The following MYO5C variants were observed in gnomAD, a reference collection of about 807,000 sequenced individuals.
MYO5C encodes the protein myosin VC, also known as unconventional myosin-Vc.
Under a neutral mutation model 235.7 loss-of-function variants are expected in MYO5C, and 194 were observed. That is an observed-to-expected ratio of 0.82 (90% confidence interval 0.73 to 0.93). MYO5C has a LOEUF of 0.93. Among genes scored for constraint, MYO5C ranks in the 40% least tolerant of loss-of-function variants. The pLI is 0.00. For synonymous variants in MYO5C, 707 were observed against 754.8 expected, an observed-to-expected ratio of 0.94 and a Z score of 1.04; for missense variants, 2,038 against 2,127.2, an observed-to-expected ratio of 0.96 and a Z score of 0.82.
intron 10 of MYO5C, among the ~76,000 whole-genome samples, chr15:52,258,866 T>A (rs2036634272): frequency 6.6e-6 from 1 of 152,162 alleles, no homozygotes; most frequent in South Asian, 2.1e-4. Context: ...AAATTCAAAT[T>A]CCTTATTACA....
rs2034978558 is a variant in MYO5C, at chr15:52,193,379, T to G, written c.*523A>C. ...AAACATTTTTAAATGCAGGGCATTT[T>G]CAGTAAAAAGAGTTCATGAAAACCT... On this transcript the variant is annotated 3_prime_UTR_variant, in exon 41 of 41. Transcript: ENST00000261839. 6.6e-6 allele frequency: 1 copy of G among 151,946 alleles called. No homozygotes were observed. The highest frequency in any genetic ancestry group is 6.6e-5 in the Admixed American group (1 of 15,244). The allele number at this position is 151,946 out of a possible 1,614,324, so 9.4% of individuals were successfully genotyped here.
intron 16 of MYO5C, among the ~76,000 whole-genome samples, chr15:52,246,684 C>T (rs1283437730): frequency 1.3e-5 from 2 of 152,144 alleles, no homozygotes; most frequent in African/African-American, 4.8e-5. Flanking sequence ...GTTGCAAAAA[C>T]TTTAGTTGTA....
rs1566998094 is a variant in MYO5C at position 52,291,744 on chromosome 15, T to TTTGTTTTGTTTTTG, written c.27+3865_27+3866insCAAAAACAAAACAA. 4.1e-5 allele frequency among the ~76,000 whole-genome samples: 4 copies of TTTGTTTTGTTTTTG among 96,696 alleles called. No individual in the cohort carries two copies. In the Admixed American group the frequency reaches 4.2e-4, roughly 10 times the overall value. 63.4% of individuals were successfully genotyped at this position (96,696 alleles called of 152,430 possible). A position where few individuals can be genotyped will look rare whatever the true frequency, so the allele number is the denominator to read the frequency against. On this transcript the variant is annotated intron_variant, in intron 1 of 40. Coordinates refer to ENST00000261839, the MANE Select transcript of MYO5C (RefSeq NM_018728.4). The stretch of plus-strand genomic sequence containing the variant: ...TGCATATTTTATGTTTTTTTTTTTT[T>TTTGTTTTGTTTTTG]TTTTTTTTTTTTGAGACAGGGTCTC...
At position 52,295,687 on chromosome 15, in the gene MYO5C, G is replaced by GT; in HGVS notation, c.-52_-51insA. On this transcript the variant is annotated 5_prime_UTR_variant, in exon 1 of 41. Coordinates refer to ENST00000261839, the MANE Select transcript of MYO5C (RefSeq NM_018728.4). The stretch of plus-strand genomic sequence containing the variant: ...GGGGCTGCCGAACGTGCGAGGCTCG[G>GT]GGGCTGGGCCTGCGCCGCAGAGGCC... 1 of 1,290,624 alleles carries GT rather than the reference G, an allele frequency of 7.7e-7. No homozygotes were observed. 79.9% of individuals were successfully genotyped at this position (1,290,624 alleles called of 1,614,324 possible). A position where few individuals can be genotyped will look rare whatever the true frequency, so the allele number is the denominator to read the frequency against.
In MYO5C at chr15:52,204,902, T is replaced by C. The variant is rs2035269815; in HGVS notation, c.4783A>G (p.Lys1595Glu). 1 of 1,614,098 alleles carries C rather than the reference T, an allele frequency of 6.2e-7. No individual in the cohort carries two copies. Among genetic ancestry groups the C allele is most frequent in the South Asian group, 1.1e-5 (1 of 91,086 alleles). The change falls in exon 38 of 41, where the codon AAG becomes GAG. Residue 1595 changes from lysine (K) to glutamate (E), a missense_variant. Coordinates refer to ENST00000261839, the MANE Select transcript of MYO5C (RefSeq NM_018728.4). ...CCTTTTCTGCAGGAGCACATGTCCT[T>C]GCGCAGGAAGAGGCTGTTCAGCGTG... ...AVTLNSLFLRKDMCSCRKGMQ... is the reference protein window; with the variant it reads ...AVTLNSLFLREDMCSCRKGMQ...
At chr15:52,246,826 TA>T in intron 16 of MYO5C, 90 bp downstream of exon 16, 1 of 989,130 alleles carries the variant, frequency 1.0e-6, no homozygotes, top group Non-Finnish European at 1.5e-6. Context: ...AGAAACAGGG[TA>T]ATCTCAAGAC....
intron 23 of MYO5C, among the ~76,000 whole-genome samples, chr15:52,235,066 G>A (rs1457425488): frequency 3.3e-5 from 5 of 152,224 alleles, no homozygotes; most frequent in Non-Finnish European, 5.9e-5. Context: ...AAGCTCAAAT[G>A]TGTAGAGCTA....
chr15:52,230,083 C>A (rs1253555302), intron 24 of MYO5C, among the ~76,000 whole-genome samples: 1 of 152,196 alleles, frequency 6.6e-6, no homozygotes, highest in Non-Finnish European at 1.5e-5. Flanking sequence ...AGGGGTCTAG[C>A]CCTTCAAAAA....
In MYO5C at chr15:52,211,815, A is replaced by G. The variant is rs773102826; in HGVS notation, c.4211T>C (p.Val1404Ala). The G allele has an allele frequency of 5.0e-6, 8 of 1,614,166 alleles. No homozygotes were observed. The highest frequency in any genetic ancestry group is 2.2e-5 in the East Asian group (1 of 44,884). ...ATCATTCAGAGAGTCTGCGTAGCGC[A>G]CACACATGAACAGGATATGAGCCGG... ...GLPAHILFMC[V>A]RYADSLNDAN... Residue 1404 changes from valine (V) to alanine (A), a missense_variant, in exon 35 of 41, where the codon GTG becomes GCG. Coordinates refer to ENST00000261839, the MANE Select transcript of MYO5C (RefSeq NM_018728.4).
At position 52,247,562 on chromosome 15, in the gene MYO5C, T is replaced by G; in HGVS notation, c.1777A>C (p.Asn593His). 6.2e-7 allele frequency: 1 copy of G among 1,614,150 alleles called. No individual in the cohort carries two copies. The highest frequency in any genetic ancestry group is 8.5e-7 in the Non-Finnish European group (1 of 1,180,030). ...CCAAAAGGAGAAGGAGGAGTTGGAT[T>G]TTCTTGAAAAAAGTTGGCACAGAGA... is the stretch of plus-strand genomic sequence containing the variant. ...FHLCANFFQE[N>H]PTPPSPFGSM... The change falls in exon 15 of 41, where the codon AAT becomes CAT. Residue 593 changes from asparagine to histidine, a missense_variant. By Grantham distance (68) the Asn-to-His change is moderately conservative (BLOSUM62 1). Coordinates refer to ENST00000261839, the MANE Select transcript of MYO5C (RefSeq NM_018728.4).
intron 38 of MYO5C, among the ~76,000 whole-genome samples, chr15:52,197,932 G>A (rs999635856): frequency 6.6e-6 from 1 of 151,940 alleles, no homozygotes; most frequent in Non-Finnish European, 1.5e-5. Context: ...GACTGTGCCT[G>A]GCCTGAACTA....
Position 52,232,606 on chromosome 15 carries a change from A to G in MYO5C, c.3026+16T>C. The G allele has an allele frequency of 6.2e-7, 1 of 1,613,140 alleles. No individual in the cohort carries two copies. Among genetic ancestry groups the G allele is most frequent in the Non-Finnish European group, 8.5e-7 (1 of 1,179,242 alleles). On this transcript the variant is annotated intron_variant, in intron 24 of 40. Coordinates refer to ENST00000261839, the MANE Select transcript of MYO5C (RefSeq NM_018728.4). ...AGAAGAAAGAAAGTAGCTTTAAGGC[A>G]AACTAGATTCCATACATTCTTTGCC...
intron 1 of MYO5C, among the ~76,000 whole-genome samples, chr15:52,290,646 C>T (rs1566997517): frequency 1.4e-5 from 2 of 147,406 alleles, no homozygotes; most frequent in Non-Finnish European, 3.0e-5. Flanking sequence ...AAAAAAAGGT[C>T]TCCAGAGGCA....
chr15:52,200,883 T>C (rs1007580756), intron 38 of MYO5C, among the ~76,000 whole-genome samples: 3 of 151,592 alleles, frequency 2.0e-5, no homozygotes, highest in East Asian at 1.9e-4. Context: ...AATTGAAAAA[T>C]ACAATAATAG....
chr15:52,224,685 T>C (rs940702481), intron 28 of MYO5C, among the ~76,000 whole-genome samples: 47 of 152,222 alleles, frequency 3.1e-4, no homozygotes, highest in Non-Finnish European at 6.6e-4. Context: ...CTGTATGGGT[T>C]ATGGGGTTTT....
intron 14 of MYO5C, among the ~76,000 whole-genome samples, chr15:52,248,207 A>G (rs1191360470): frequency 1.3e-5 from 2 of 152,226 alleles, no homozygotes; most frequent in Non-Finnish European, 2.9e-5. Context: ...CAGTGGCGCA[A>G]TCATGGCTCA....
intron 20 of MYO5C, among the ~76,000 whole-genome samples, chr15:52,240,186 C>T (rs1195015629): frequency 6.6e-6 from 1 of 152,138 alleles, no homozygotes; most frequent in Non-Finnish European, 1.5e-5. Context: ...TGGTCTCTGC[C>T]ATAACTTTCT....
intron 1 of MYO5C, among the ~76,000 whole-genome samples, chr15:52,284,491 G>C (rs1246460260): frequency 6.6e-6 from 1 of 152,222 alleles, no homozygotes; most frequent in African/African-American, 2.4e-5. Flanking sequence ...TCTTCTGGGA[G>C]TGATGGTAAC....
At chr15:52,251,318 TG>T (rs1202107896) in intron 13 of MYO5C, 71 bp downstream of exon 13, 1 of 1,421,350 alleles carries the variant, frequency 7.0e-7, no homozygotes. Context: ...GAAACATTCC[TG>T]GCCTGCCTAC....
Sources: gnomAD v4.1 joint callset for allele counts (sites outside exome capture counted in the v4.1 genomes callset) on GRCh38, gnomAD v4.1.1 for gene constraint, MANE v1.5 for transcripts, NCBI Gene and HGNC (gene_info 2026-07-23, HGNC 2026-07-21) for gene names.